Variants in SEMA4A observed in about 807,000 individuals in gnomAD.
SEMA4A encodes semaphorin-4A.
Under a neutral mutation model 72.5 loss-of-function variants are expected in SEMA4A, and 52 were observed. The ratio of observed to expected loss-of-function variants is 0.72; its 90% confidence interval spans 0.57 to 0.90. The LOEUF (loss-of-function observed/expected upper bound fraction) is 0.90, where lower values mean the gene tolerates loss of function less well. Among genes scored for constraint, SEMA4A ranks in the 40% least tolerant of loss-of-function variants. The pLI, the probability that SEMA4A is intolerant of heterozygous loss-of-function variation, is 0.00. For missense variants in SEMA4A, 926 were observed against 959.7 expected, an observed-to-expected ratio of 0.96 and a Z score of 0.46; for synonymous variants, 369 against 393.1, an observed-to-expected ratio of 0.94 and a Z score of 0.73.
rs142948615 is a variant in SEMA4A, at chr1:156,168,685, T to A, written c.1135-4141T>A. On this transcript the variant is annotated intron_variant, in intron 10 of 14. Coordinates refer to ENST00000368285, the MANE Select transcript of SEMA4A (RefSeq NM_022367.4). ...CCTTGAAGCTGTTTGGAGCTCTGTG[T>A]CCATAACTAAGTCTTGGCAATTTGG... Among the ~76,000 whole-genome samples, 779 of 152,298 alleles carry A rather than the reference T, an allele frequency of 5.1e-3. 4 individuals are homozygous for A. Among genetic ancestry groups the A allele is most frequent in the African/African-American group, 0.018 (753 of 41,568 alleles).
In SEMA4A at chr1:156,158,071, T is replaced by C. The variant is rs149652495; in HGVS notation, c.302T>C (p.Ile101Thr). ...GCCCTCCCAACTCCCCACTTTCAGA[T>C]ACCGTGGCCAGCCAGTGACAGAAAA... ...DPGVPRLKNMIPWPASDRKKS... is the reference protein window; with the variant it reads ...DPGVPRLKNMTPWPASDRKKS... The change falls in exon 4 of 15, where the codon ATA (isoleucine) becomes ACA (threonine). Residue 101 changes from isoleucine (I) to threonine (T), a missense_variant and splice_region_variant. Coordinates refer to ENST00000368285, the MANE Select transcript of SEMA4A (RefSeq NM_022367.4). The C allele has an allele frequency of 1.7e-4, 276 of 1,614,016 alleles. No homozygotes were observed. The highest frequency in any genetic ancestry group is 2.1e-4 in the Non-Finnish European group (249 of 1,180,016).
chr1:156,161,791 G>A, intron 9 of SEMA4A: 1 of 468,836 alleles, frequency 2.1e-6, no homozygotes, highest in Admixed American at 3.9e-5. Flanking sequence ...TATTAAAATC[G>A]ATAAAATAGA....
At chr1:156,160,702 G>T in intron 7 of SEMA4A, 143 bp downstream of exon 7, 1 of 1,040,294 alleles carries the variant, frequency 9.6e-7, no homozygotes, top group Non-Finnish European at 1.5e-6. Flanking sequence ...CAAAGCTCCG[G>T]TTCTCTTGAA....
intron 10 of SEMA4A, among the ~76,000 whole-genome samples, chr1:156,170,379 G>A (rs538788963): frequency 5.6e-5 from 8 of 142,978 alleles, no homozygotes; most frequent in Non-Finnish European, 1.0e-4. Context: ...CAGGAGAATC[G>A]CTTGATTCTC....
At chr1:156,169,803 G>A (rs1654535675) in intron 10 of SEMA4A, among the ~76,000 whole-genome samples, 3 of 151,776 alleles carry the variant, frequency 2.0e-5, no homozygotes, top group Non-Finnish European at 4.4e-5. Flanking sequence ...GAGGCACGTG[G>A]ATCATGAGGT....
chr1:156,161,269 GC>G, intron 8 of SEMA4A, 76 bp from the exon 9 acceptor site: 5 of 1,019,680 alleles, frequency 4.9e-6, no homozygotes, highest in Non-Finnish European at 6.9e-6. Flanking sequence ...ACGCCGAGCT[GC>G]GGGGGGCGGG....
intron 10 of SEMA4A, among the ~76,000 whole-genome samples, chr1:156,171,097 G>A (rs766698162): frequency 6.1e-4 from 93 of 152,176 alleles, no homozygotes; most frequent in Non-Finnish European, 1.0e-3. Context: ...GGGAGGACAT[G>A]AGAGTAGGTG....
At position 156,156,767 on chromosome 1, in the gene SEMA4A, G is replaced by A. The variant is rs1168595771; in HGVS notation, c.300+193G>A. Reference sequence around the variant, plus strand: ...TCACTTTTTTTTTTTTTTTTGAGATGGAGTCTTGCTCCGTTGCCCAGGCTG... The same window carrying A: ...TCACTTTTTTTTTTTTTTTTGAGATAGAGTCTTGCTCCGTTGCCCAGGCTG... On this transcript the variant is annotated intron_variant, in intron 3 of 14. Coordinates refer to ENST00000368285, the MANE Select transcript of SEMA4A (RefSeq NM_022367.4). 2.1e-5 allele frequency among the ~76,000 whole-genome samples: 3 copies of A among 145,442 alleles called. 1 individual carries two copies. Among genetic ancestry groups the A allele is most frequent in the Admixed American group, 1.4e-4 (2 of 14,568 alleles).
At position 156,171,249 on chromosome 1, in the gene SEMA4A, CT is replaced by C. The variant is rs956497061; in HGVS notation, c.1135-1576del. On this transcript the variant is annotated intron_variant, in intron 10 of 14. Coordinates refer to ENST00000368285, the MANE Select transcript of SEMA4A (RefSeq NM_022367.4). ...AGTTGGGGCTGGCCCTAAGACAGTG[CT>C]CTTGGAGAACAAGGATCCTGACTGA... is the stretch of plus-strand genomic sequence containing the variant. 3.3e-5 allele frequency among the ~76,000 whole-genome samples: 5 copies of C among 152,196 alleles called. 1 individual carries two copies. The South Asian group carries it at 8.3e-4, about 25-fold the overall frequency.
At chr1:156,151,235 C>T (rs1375362209), upstream of SEMA4A, among the ~76,000 whole-genome samples, 1 of 152,224 alleles carries the variant, frequency 6.6e-6, no homozygotes, top group Non-Finnish European at 1.5e-5. Flanking sequence ...AACAGCAGAG[C>T]ATTAAACCAA....
intron 4 of SEMA4A, 101 bp from the exon 5 acceptor site, chr1:156,158,287 C>G: frequency 7.9e-7 from 1 of 1,259,288 alleles, no homozygotes; most frequent in Non-Finnish European, 1.2e-6. Flanking sequence ...AGGGACTGCC[C>G]CAGCATTACC....
Position 156,175,778 on chromosome 1 carries a change from G to A in SEMA4A, c.1693+122G>A, listed in dbSNP as rs12087770. The A allele has an allele frequency of 3.4e-3, 2,533 of 746,668 alleles. 37 individuals carry two copies. The African/African-American group carries it at 0.037, about 11-fold the overall frequency. 46.3% of individuals were successfully genotyped at this position (746,668 alleles called of 1,614,324 possible). ...TGCCTGGCTTGAGATCTGAACACCCGAGTTGGGATGGATTTGGGTCCTGGC... is the reference window on the plus strand; with the variant it reads ...TGCCTGGCTTGAGATCTGAACACCCAAGTTGGGATGGATTTGGGTCCTGGC... On this transcript the variant is annotated intron_variant, in intron 14 of 14. Coordinates refer to ENST00000368285, the MANE Select transcript of SEMA4A (RefSeq NM_022367.4).
intron 1 of SEMA4A, among the ~76,000 whole-genome samples, chr1:156,154,098 T>C (rs974124209): frequency 2.0e-5 from 3 of 152,094 alleles, no homozygotes; most frequent in Non-Finnish European, 4.4e-5. Flanking sequence ...TCAACAGATC[T>C]GAAAGTGACA....
chr1:156,175,926 C>T lies in SEMA4A; in HGVS notation c.1693+270C>T, dbSNP rs12722815. On this transcript the variant is annotated intron_variant, in intron 14 of 14. Coordinates refer to ENST00000368285, the MANE Select transcript of SEMA4A (RefSeq NM_022367.4). ...ACTGGGGCTTAGTTTGGGGTCCAGA[C>T]TGGAGATTAAGGAGGAGTGAAATTT... Among the ~76,000 whole-genome samples the T allele has an allele frequency of 1.9e-3, 288 of 152,136 alleles. 2 individuals carry two copies. The highest frequency in any genetic ancestry group is 2.6e-3 in the Admixed American group (40 of 15,284).
intron 10 of SEMA4A, among the ~76,000 whole-genome samples, chr1:156,165,804 A>G (rs1038969343): frequency 4.0e-5 from 6 of 148,276 alleles, no homozygotes; most frequent in African/African-American, 1.5e-4. Context: ...ATGGAACACT[A>G]CTCATTTATT....
chr1:156,175,732 C>A, intron 14 of SEMA4A, 76 bp downstream of exon 14: 1 of 1,011,350 alleles, frequency 9.9e-7, no homozygotes, highest in South Asian at 1.4e-5. Flanking sequence ...CATTCCTGCT[C>A]CAATTTCCTC....
chr1:156,154,856 A>C (rs1652869955), intron 2 of SEMA4A, 139 bp downstream of exon 2: 10 of 1,050,350 alleles, frequency 9.5e-6, no homozygotes, highest in Admixed American at 2.7e-5. Flanking sequence ...GGAGAAACAG[A>C]GGATCTCGGA....
intron 2 of SEMA4A, 105 bp downstream of exon 2, chr1:156,154,822 CAG>C: frequency 3.0e-6 from 4 of 1,329,322 alleles, no homozygotes; most frequent in Non-Finnish European, 3.1e-6. Context: ...TATGGAGAAA[CAG>C]GGACACAGAG....
In SEMA4A at chr1:156,175,319, C is replaced by G. The variant is rs1053993367; in HGVS notation, c.1592+76C>G. 1.2e-4 allele frequency: 173 copies of G among 1,500,228 alleles called. 1 individual carries two copies. The African/African-American group carries it at 2.3e-3, about 20-fold the overall frequency. 92.9% of individuals were successfully genotyped at this position (1,500,228 alleles called of 1,614,324 possible). ...CAGCCAGCTTCTGCTACTGTTCTTCCTCTCTCCAGGGGCTACTGACATATT... is the reference window on the plus strand; with the variant it reads ...CAGCCAGCTTCTGCTACTGTTCTTCGTCTCTCCAGGGGCTACTGACATATT... On this transcript the variant is annotated intron_variant, in intron 13 of 14. Coordinates refer to ENST00000368285, the MANE Select transcript of SEMA4A (RefSeq NM_022367.4).
Sources: gnomAD v4.1 joint callset for allele counts (sites outside exome capture counted in the v4.1 genomes callset) on GRCh38, gnomAD v4.1.1 for gene constraint, MANE v1.5 for transcripts, NCBI Gene and HGNC (gene_info 2026-07-23, HGNC 2026-07-21) for gene names.